The following FRAS1 variants were observed in gnomAD, a reference collection of about 807,000 sequenced individuals.
FRAS1 encodes the protein Fraser extracellular matrix complex subunit 1, also known as extracellular matrix organizing protein FRAS1.
In FRAS1, 290 loss-of-function variants were observed where a neutral mutation model predicts 435.2. That is an observed-to-expected ratio of 0.67 (90% CI 0.61 to 0.73). FRAS1 has a LOEUF of 0.73. FRAS1 is among the 30% of genes least tolerant of loss of function. FRAS1 has a pLI of 0.00. For synonymous variants in FRAS1, 1,800 were observed against 1,851.0 expected, an observed-to-expected ratio of 0.97 and a Z score of 0.71; for missense variants, 4,860 against 5,001.5, an observed-to-expected ratio of 0.97 and a Z score of 0.85.
chr4:78,279,689 A>C (rs529038577), intron 10 of FRAS1, among the ~76,000 whole-genome samples: 63 of 152,324 alleles, frequency 4.1e-4, no homozygotes, highest in Admixed American at 9.1e-4. Flanking sequence ...TATTTATCTT[A>C]ATCTTTTCAA....
At chr4:78,433,081 C>T (rs956845926) in intron 38 of FRAS1, among the ~76,000 whole-genome samples, 1 of 152,210 alleles carries the variant, frequency 6.6e-6, no homozygotes, top group African/African-American at 2.4e-5. Flanking sequence ...CAGTGCCTCT[C>T]TGTCAGATTT....
At chr4:78,166,173 T>A (rs1217292171) in intron 2 of FRAS1, among the ~76,000 whole-genome samples, 1 of 152,182 alleles carries the variant, frequency 6.6e-6, no homozygotes, top group East Asian at 1.9e-4. Flanking sequence ...TTGAAGGCAC[T>A]TTGTATTTTA....
intron 47 of FRAS1, among the ~76,000 whole-genome samples, chr4:78,462,180 G>C (rs530763018): frequency 2.4e-4 from 37 of 152,162 alleles, no homozygotes; most frequent in Non-Finnish European, 5.0e-4. Context: ...GACCACCCTA[G>C]CCTGGCCAAC....
At chr4:78,347,142 C>T (rs930462029) in intron 20 of FRAS1, among the ~76,000 whole-genome samples, 2 of 152,208 alleles carry the variant, frequency 1.3e-5, no homozygotes, top group African/African-American at 4.8e-5. Flanking sequence ...CTTCTCTTGA[C>T]TTCCTTGTCC....
chr4:78,247,179 G>A (rs1447127820), intron 4 of FRAS1, among the ~76,000 whole-genome samples: 1 of 152,116 alleles, frequency 6.6e-6, no homozygotes, highest in Non-Finnish European at 1.5e-5. Flanking sequence ...GGAGAGTTCA[G>A]AAAGTTCTCC....
rs185847097 is a variant in FRAS1 at position 78,358,842 on chromosome 4, C to G, written c.2423-4671C>G. ...TACTTAATACTGGAATATGATGTCG[C>G]TGCTAAAAATGATGTTTACAGGAGT... On this transcript the variant is annotated intron_variant, in intron 20 of 73. Coordinates refer to ENST00000512123, the MANE Select transcript of FRAS1 (RefSeq NM_025074.7). Among the ~76,000 whole-genome samples, 180 of 152,180 alleles carry G rather than the reference C, an allele frequency of 1.2e-3. 4 individuals are homozygous for G. In the South Asian group the frequency reaches 0.024, roughly 20 times the overall value.
intron 13 of FRAS1, among the ~76,000 whole-genome samples, chr4:78,285,953 C>T (rs1159445990): frequency 2.6e-5 from 4 of 152,154 alleles, no homozygotes; most frequent in Non-Finnish European, 5.9e-5. Context: ...TTGAAAGTTA[C>T]TTATATCTCT....
At chr4:78,425,375 GGT>G (rs1733959915) in intron 35 of FRAS1, among the ~76,000 whole-genome samples, 1 of 152,046 alleles carries the variant, frequency 6.6e-6, no homozygotes. Context: ...AGTCAGACCT[GGT>G]ATCTATGCTG....
chr4:78,277,410 G>A (rs902451649), intron 9 of FRAS1, among the ~76,000 whole-genome samples: 1 of 152,146 alleles, frequency 6.6e-6, no homozygotes, highest in African/African-American at 2.4e-5. Context: ...CATCACTCAT[G>A]CTGGTAGCTG....
At chr4:78,255,207 T>A (rs1017646) in intron 5 of FRAS1, 35 bp from the exon 6 acceptor site, 2 of 1,550,964 alleles carry the variant, frequency 1.3e-6, no homozygotes, top group South Asian at 2.4e-5. Context: ...ACAAATGCCA[T>A]CCCCCTAGTA....
chr4:78,493,232 G>A (rs1720417213), intron 59 of FRAS1, among the ~76,000 whole-genome samples: 1 of 152,212 alleles, frequency 6.6e-6, no homozygotes, highest in Admixed American at 6.5e-5. Context: ...CAACCATTGT[G>A]GAAGACAGGA....
chr4:78,139,326 TG>T (rs899735522), intron 2 of FRAS1, among the ~76,000 whole-genome samples: 15 of 152,000 alleles, frequency 9.9e-5, no homozygotes, highest in Admixed American at 3.3e-4. Flanking sequence ...AGCAGACTAT[TG>T]ATTGAGCAGG....
intron 2 of FRAS1, among the ~76,000 whole-genome samples, chr4:78,118,279 G>A (rs1405985164): frequency 6.6e-6 from 1 of 152,182 alleles, no homozygotes; most frequent in African/African-American, 2.4e-5. Flanking sequence ...CGGGGACCAG[G>A]GACCCACTTG....
At chr4:78,432,682 C>T in intron 38 of FRAS1, 78 bp downstream of exon 38, 1 of 1,455,544 alleles carries the variant, frequency 6.9e-7, no homozygotes, top group Admixed American at 2.5e-5. Flanking sequence ...AATGCCATGG[C>T]TGAATATTTG....
intron 6 of FRAS1, among the ~76,000 whole-genome samples, chr4:78,257,872 C>G (rs1725862233): frequency 6.6e-6 from 1 of 152,146 alleles, no homozygotes; most frequent in Non-Finnish European, 1.5e-5. Context: ...CAACTTTTGT[C>G]CAGATTCTTT....
At chr4:78,234,283 T>C (rs1724642352) in intron 2 of FRAS1, among the ~76,000 whole-genome samples, 1 of 152,116 alleles carries the variant, frequency 6.6e-6, no homozygotes, top group African/African-American at 2.4e-5. Context: ...TGGAGTGCAG[T>C]GGCGCGATCT....
At chr4:78,230,639 T>G (rs1380840179) in intron 2 of FRAS1, among the ~76,000 whole-genome samples, 3 of 152,218 alleles carry the variant, frequency 2.0e-5, no homozygotes, top group Admixed American at 1.3e-4. Flanking sequence ...TTATCTTTCC[T>G]GAAAACCAGA....
chr4:78,432,103 C>T (rs1427926980), intron 37 of FRAS1, among the ~76,000 whole-genome samples: 1 of 152,078 alleles, frequency 6.6e-6, no homozygotes, highest in Non-Finnish European at 1.5e-5. Flanking sequence ...AAAAACAAAC[C>T]TAGAGCTATC....
chr4:78,279,467 G>C (rs1325345230), intron 10 of FRAS1, among the ~76,000 whole-genome samples: 2 of 152,122 alleles, frequency 1.3e-5, no homozygotes, highest in African/African-American at 2.4e-5. Context: ...TAGGCAACCT[G>C]GTTGGTGGGG....
Sources: allele counts gnomAD v4.1 joint callset (sites outside exome capture counted in the v4.1 genomes callset), GRCh38; gene constraint gnomAD v4.1.1; transcripts MANE v1.5; gene names NCBI Gene and HGNC (gene_info 2026-07-23, HGNC 2026-07-21).